FRY: variants seen among roughly 807,000 people sequenced by gnomAD.
FRY encodes protein furry homolog.
Under a neutral mutation model 348.4 loss-of-function variants are expected in FRY, and 128 were observed. The ratio of observed to expected loss-of-function variants is 0.37; its 90% CI spans 0.32 to 0.43. The LOEUF is 0.43. Ranked by LOEUF, FRY falls within the 20% of genes least tolerant of loss-of-function variation. The pLI is 1.00. For missense variants in FRY, 2,736 were observed against 3,695.2 expected, an observed-to-expected ratio of 0.74 and a Z score of 6.73; for synonymous variants, 1,370 against 1,374.7, an observed-to-expected ratio of 1.00 and a Z score of 0.08.
chr13:32,271,431 G>C (rs1888195786), intron 55 of FRY, among the ~76,000 whole-genome samples: 1 of 152,172 alleles, frequency 6.6e-6, no homozygotes, highest in Non-Finnish European at 1.5e-5. Flanking sequence ...AGCACAGGCT[G>C]GCTGCTCCCA....
chr13:32,103,928 A>C (rs930151595), intron 3 of FRY, among the ~76,000 whole-genome samples: 11 of 152,062 alleles, frequency 7.2e-5, no homozygotes, highest in African/African-American at 2.7e-4. Context: ...ACGCCACTGC[A>C]CTCAAACCTG....
chr13:32,158,688 C>T (rs1270200138), intron 16 of FRY, among the ~76,000 whole-genome samples: 2 of 152,172 alleles, frequency 1.3e-5, no homozygotes, highest in African/African-American at 2.4e-5. Context: ...GAGGCCAAGG[C>T]GGTCAGACCA....
At chr13:32,048,726 G>A (rs74044326) in intron 1 of FRY, among the ~76,000 whole-genome samples, 1 of 151,992 alleles carries the variant, frequency 6.6e-6, no homozygotes, top group Admixed American at 6.5e-5. Flanking sequence ...CTTTTTCCAC[G>A]TGGGGAATGC....
chr13:32,264,713 C>T (rs1236564252), intron 53 of FRY, among the ~76,000 whole-genome samples: 2 of 152,306 alleles, frequency 1.3e-5, no homozygotes, highest in East Asian at 1.9e-4. Context: ...CTTTCATTGT[C>T]CTGCTCATTC....
intron 39 of FRY, among the ~76,000 whole-genome samples, chr13:32,226,984 G>C (rs1885616475): frequency 6.6e-6 from 1 of 152,204 alleles, no homozygotes; most frequent in African/African-American, 2.4e-5. Context: ...AAGAGTTCTA[G>C]CTGCTCTAAG....
intron 40 of FRY, among the ~76,000 whole-genome samples, chr13:32,229,785 T>G (rs1169764877): frequency 2.0e-5 from 3 of 152,236 alleles, no homozygotes; most frequent in African/African-American, 7.2e-5. Flanking sequence ...ATAAAAGCCT[T>G]ATCTCTGCAA....
intron 11 of FRY, 44 bp downstream of exon 11, chr13:32,137,016 C>A: frequency 8.8e-7 from 1 of 1,132,068 alleles, no homozygotes; most frequent in Non-Finnish European, 1.4e-6. Flanking sequence ...AAAAAATTTA[C>A]AGTAGTTTTT....
chr13:32,227,622 A>G (rs1368196298), intron 39 of FRY, among the ~76,000 whole-genome samples: 4 of 152,332 alleles, frequency 2.6e-5, no homozygotes, highest in African/African-American at 9.6e-5. Context: ...ACCATAAAAC[A>G]TATTCTATTA....
chr13:32,061,750 G>A (rs1357242927), intron 1 of FRY, among the ~76,000 whole-genome samples: 1 of 151,964 alleles, frequency 6.6e-6, no homozygotes, highest in African/African-American at 2.4e-5. Context: ...ACATTAAATG[G>A]GTCCAAATTG....
intron 32 of FRY, among the ~76,000 whole-genome samples, 172 bp from the exon 33 acceptor site, chr13:32,209,413 G>C (rs1884550628): frequency 6.6e-6 from 1 of 152,128 alleles, no homozygotes; most frequent in Non-Finnish European, 1.5e-5. Flanking sequence ...TGATTGATTT[G>C]TGCATTATTA....
intron 47 of FRY, among the ~76,000 whole-genome samples, chr13:32,244,614 T>C (rs1196278175): frequency 6.6e-6 from 1 of 152,144 alleles, no homozygotes; most frequent in Non-Finnish European, 1.5e-5. Flanking sequence ...ACTTTAGAGT[T>C]GAAGAGTGGT....
At chr13:32,067,538 T>A (rs1398800091) in intron 1 of FRY, among the ~76,000 whole-genome samples, 4 of 152,232 alleles carry the variant, frequency 2.6e-5, no homozygotes, top group East Asian at 3.8e-4. Context: ...GGATAGATGA[T>A]AGAATCTCCC....
chr13:32,066,070 C>A (rs997633327), intron 1 of FRY, among the ~76,000 whole-genome samples: 8 of 152,172 alleles, frequency 5.3e-5, no homozygotes, highest in Non-Finnish European at 1.0e-4. Flanking sequence ...CACCTAATAT[C>A]CAGTCCATAC....
At chr13:32,145,105 G>A (rs139403528) in intron 11 of FRY, among the ~76,000 whole-genome samples, 1 of 152,286 alleles carries the variant, frequency 6.6e-6, no homozygotes, top group African/African-American at 2.4e-5. Flanking sequence ...CCTAGCTAGG[G>A]TTTACAAAGC....
intron 2 of FRY, among the ~76,000 whole-genome samples, chr13:32,095,533 C>T (rs891638616): frequency 7.9e-5 from 12 of 151,880 alleles, no homozygotes; most frequent in African/African-American, 2.7e-4. Flanking sequence ...TTGGTAGAGA[C>T]GGGATTTCAC....
chr13:32,241,353 G>A lies in FRY; in HGVS notation c.6687+1472G>A, dbSNP rs145207321. 2.2e-4 allele frequency among the ~76,000 whole-genome samples: 34 copies of A among 152,308 alleles called. No individual in the cohort carries two copies. The East Asian group carries it at 4.4e-3, about 20-fold the overall frequency. ...AAGAAATTCTGATGTGTGCTTCCACGTGGGTGAACCTTGAAGACATTATGC... is the reference window on the plus strand; with the variant it reads ...AAGAAATTCTGATGTGTGCTTCCACATGGGTGAACCTTGAAGACATTATGC... On this transcript the variant is annotated intron_variant, in intron 46 of 60. Transcript: ENST00000542859.
intron 59 of FRY, among the ~76,000 whole-genome samples, 153 bp from the exon 60 acceptor site, chr13:32,294,215 A>G (rs1026746875): frequency 1.7e-4 from 26 of 152,182 alleles, no homozygotes; most frequent in African/African-American, 5.8e-4. Flanking sequence ...CCCTACACAT[A>G]CCATGGAGTA....
intron 42 of FRY, among the ~76,000 whole-genome samples, chr13:32,235,757 C>G (rs1886195575): frequency 1.3e-5 from 2 of 152,200 alleles, no homozygotes; most frequent in Admixed American, 1.3e-4. Flanking sequence ...TCCTCTTGAT[C>G]TGTGGCTTTC....
intron 3 of FRY, among the ~76,000 whole-genome samples, chr13:32,108,161 T>C (rs1877697587): frequency 6.6e-6 from 1 of 152,158 alleles, no homozygotes; most frequent in Non-Finnish European, 1.5e-5. Context: ...AGCCTTGACA[T>C]AGGCCTGCAT....
Sources: gnomAD v4.1 joint callset for allele counts (sites outside exome capture counted in the v4.1 genomes callset) on GRCh38, gnomAD v4.1.1 for gene constraint, MANE v1.5 for transcripts, NCBI Gene and HGNC (gene_info 2026-07-23, HGNC 2026-07-21) for gene names.